The following TMEFF2 variants were observed in gnomAD, a reference collection of about 807,000 sequenced individuals.
The protein encoded by TMEFF2 is transmembrane protein with EGF like and two follistatin like domains 2.
Under a neutral mutation model 53.8 loss-of-function variants are expected in TMEFF2, and 28 were observed. The ratio of observed to expected loss-of-function variants is 0.52; its 90% CI spans 0.39 to 0.71. The LOEUF (loss-of-function observed/expected upper bound fraction) is 0.71. TMEFF2 is among the 30% of genes least tolerant of loss of function. The probability of loss-of-function intolerance (pLI) is 0.00; values close to 1 mark genes in which losing one functional copy is unlikely to be tolerated. For synonymous variants in TMEFF2, 162 were observed against 166.3 expected (o/e 0.97, Z 0.20); for missense variants, 353 against 455.2 (o/e 0.78, Z 2.04).
At chr2:192,052,459 T>C (rs1468989223) in intron 5 of TMEFF2, among the ~76,000 whole-genome samples, 1 of 152,214 alleles carries the variant, frequency 6.6e-6, no homozygotes. Context: ...TCCACTGACC[T>C]ACTTTGGACT....
chr2:192,014,583 C>T (rs1686704305), intron 5 of TMEFF2, among the ~76,000 whole-genome samples: 1 of 152,272 alleles, frequency 6.6e-6, no homozygotes, highest in East Asian at 1.9e-4. Flanking sequence ...TTGAAGGTTA[C>T]TGTCTGCTGT....
chr2:192,194,835 G>C lies in TMEFF2; in HGVS notation c.-311C>G. 2.6e-6 allele frequency: 1 copy of C among 377,496 alleles called. No homozygotes were observed. The highest frequency in any genetic ancestry group is 4.9e-6 in the Non-Finnish European group (1 of 203,344). 23.4% of individuals were successfully genotyped at this position (377,496 alleles called of 1,614,324 possible). ...AGGACAGGAGGAGACGGGAGTCCAG[G>C]GGCAGACGAGTGGAGCCCGAGGAGG... On this transcript the variant is annotated 5_prime_UTR_variant, in exon 1 of 10. Transcript: ENST00000272771. The surrounding 1 kb of genome is among the most constrained non-coding windows in gnomAD (Gnocchi z 4.2).
At chr2:192,022,015 G>C (rs923350602) in intron 5 of TMEFF2, 1 of 152,160 alleles carries the variant, frequency 6.6e-6, no homozygotes, top group Non-Finnish European at 1.5e-5. Flanking sequence ...AAATCCTCTT[G>C]TGCACGGTTT....
intron 5 of TMEFF2, among the ~76,000 whole-genome samples, chr2:192,055,381 G>A (rs938005036): frequency 6.6e-6 from 1 of 152,064 alleles, no homozygotes; most frequent in Non-Finnish European, 1.5e-5. Flanking sequence ...TAAATAACTG[G>A]TATGTTTAAA....
chr2:192,136,020 G>C (rs562272291), intron 4 of TMEFF2, among the ~76,000 whole-genome samples: 1 of 151,648 alleles, frequency 6.6e-6, no homozygotes, highest in Non-Finnish European at 1.5e-5. Flanking sequence ...CTCTCTTTTC[G>C]GACTCAGCCC....
At chr2:192,189,142 G>A (rs1185917207) in intron 2 of TMEFF2, among the ~76,000 whole-genome samples, 1 of 152,086 alleles carries the variant, frequency 6.6e-6, no homozygotes, top group East Asian at 1.9e-4. Context: ...AGAGGTGAAG[G>A]CTAATAATGT....
chr2:192,137,947 C>T (rs888429860), intron 4 of TMEFF2, among the ~76,000 whole-genome samples: 5 of 151,958 alleles, frequency 3.3e-5, no homozygotes, highest in Middle Eastern at 3.4e-3. Context: ...CTGTAATCCC[C>T]TCCTGGGATT....
At chr2:192,156,824 A>C (rs375962183) in intron 4 of TMEFF2, among the ~76,000 whole-genome samples, 12 of 152,068 alleles carry the variant, frequency 7.9e-5, no homozygotes, top group African/African-American at 2.9e-4. Context: ...TGAGCACAGA[A>C]TCCTGAGACC....
At chr2:192,048,159 T>C (rs1220511300) in intron 5 of TMEFF2, among the ~76,000 whole-genome samples, 1 of 111,914 alleles carries the variant, frequency 8.9e-6, no homozygotes, top group Non-Finnish European at 1.9e-5. Context: ...CTCAAACGAA[T>C]TTTTTTTTTT....
chr2:192,112,741 T>C (rs1156748847), intron 4 of TMEFF2, among the ~76,000 whole-genome samples: 1 of 152,170 alleles, frequency 6.6e-6, no homozygotes, highest in Non-Finnish European at 1.5e-5. Context: ...AATTCTCATG[T>C]GTTATTGGAG....
At chr2:192,011,827 T>C (rs1686633529) in intron 5 of TMEFF2, among the ~76,000 whole-genome samples, 1 of 152,188 alleles carries the variant, frequency 6.6e-6, no homozygotes, top group African/African-American at 2.4e-5. Flanking sequence ...ACATTGTCAG[T>C]CTTCTATTTT....
intron 4 of TMEFF2, among the ~76,000 whole-genome samples, chr2:192,153,503 T>C (rs1407387689): frequency 6.6e-6 from 1 of 151,828 alleles, no homozygotes; most frequent in African/African-American, 2.4e-5. Flanking sequence ...GGTACCAGGG[T>C]CAACTTTACC....
intron 7 of TMEFF2, among the ~76,000 whole-genome samples, chr2:191,965,793 C>T (rs979473372): frequency 6.6e-6 from 1 of 152,146 alleles, no homozygotes; most frequent in African/African-American, 2.4e-5. Context: ...TAGGTCTCAT[C>T]CTTGGCATTA....
chr2:191,969,907 A>T (rs1692585878), intron 7 of TMEFF2, among the ~76,000 whole-genome samples: 1 of 152,226 alleles, frequency 6.6e-6, no homozygotes. Context: ...GCAATAAAAA[A>T]GTCATGGAAT....
intron 7 of TMEFF2, among the ~76,000 whole-genome samples, chr2:191,988,610 T>C (rs989643640): frequency 6.6e-6 from 1 of 152,156 alleles, no homozygotes; most frequent in African/African-American, 2.4e-5. Flanking sequence ...AGAGGACAAA[T>C]GGAGCTTGAT....
chr2:192,178,622 T>A (rs1016794650), intron 4 of TMEFF2: 1 of 151,252 alleles, frequency 6.6e-6, no homozygotes, highest in Non-Finnish European at 1.5e-5. Context: ...CTGTGGGTAT[T>A]GCTTATTTGA....
intron 9 of TMEFF2, among the ~76,000 whole-genome samples, chr2:191,952,486 T>C (rs2105783214): frequency 6.6e-6 from 1 of 152,302 alleles, no homozygotes; most frequent in Middle Eastern, 3.4e-3. Context: ...CTTTTTCTTT[T>C]TATATGCAGT....
At chr2:192,072,074 A>C (rs879854339) in intron 4 of TMEFF2, among the ~76,000 whole-genome samples, 2 of 151,924 alleles carry the variant, frequency 1.3e-5, no homozygotes, top group Non-Finnish European at 2.9e-5. Context: ...TGAAGCAAGG[A>C]ATATATAGTC....
At chr2:191,971,769 C>T (rs1445601749) in intron 7 of TMEFF2, among the ~76,000 whole-genome samples, 1 of 152,056 alleles carries the variant, frequency 6.6e-6, no homozygotes, top group African/African-American at 2.4e-5. Context: ...CAGTTTCTCT[C>T]TGGAAGAGCA....
Sources: gnomAD v4.1 joint callset for allele counts (sites outside exome capture counted in the v4.1 genomes callset) on GRCh38, gnomAD v4.1.1 for gene constraint, Gnocchi (gnomAD v3.1) non-coding constraint, MANE v1.5 for transcripts, NCBI Gene and HGNC (gene_info 2026-07-23, HGNC 2026-07-21) for gene names.